Variants in CCSER1 observed in about 807,000 individuals in gnomAD.
CCSER1 encodes the protein serine-rich coiled-coil domain-containing protein 1.
CCSER1 carries 41 observed loss-of-function variants against 82.0 expected under a neutral mutation model. The ratio of observed to expected loss-of-function variants is 0.50; its 90% CI spans 0.39 to 0.65. CCSER1 has a LOEUF of 0.65. Among genes scored for constraint, CCSER1 ranks in the 30% least tolerant of loss-of-function variants. CCSER1 has a pLI of 0.00. For synonymous variants in CCSER1, 414 were observed against 383.9 expected (o/e 1.08, Z -0.92); for missense variants, 1,119 against 1,064.2 (o/e 1.05, Z -0.72).
intron 1 of CCSER1, among the ~76,000 whole-genome samples, chr4:90,155,010 G>T (rs1413462386): frequency 6.6e-6 from 1 of 152,154 alleles, no homozygotes; most frequent in Non-Finnish European, 1.5e-5. Flanking sequence ...GATATTGGCT[G>T]TGGGTTTGTC....
chr4:90,563,027 T>G (rs1278907664), intron 5 of CCSER1, among the ~76,000 whole-genome samples: 1 of 152,058 alleles, frequency 6.6e-6, no homozygotes, highest in African/African-American at 2.4e-5. Flanking sequence ...CTGTGAAAAT[T>G]TACCATTTCT....
chr4:90,489,970 C>T (rs185755477), intron 5 of CCSER1, among the ~76,000 whole-genome samples: 11 of 152,178 alleles, frequency 7.2e-5, no homozygotes, highest in South Asian at 6.2e-4. Context: ...TGAATAGTGC[C>T]GCAATAAACA....
At chr4:91,469,965 C>G (rs1008166642) in intron 10 of CCSER1, among the ~76,000 whole-genome samples, 2 of 152,160 alleles carry the variant, frequency 1.3e-5, no homozygotes, top group Non-Finnish European at 2.9e-5. Flanking sequence ...CTATGAAACT[C>G]ATTCCTACAC....
intron 5 of CCSER1, among the ~76,000 whole-genome samples, chr4:90,503,318 C>T (rs1467455090): frequency 6.6e-6 from 1 of 152,134 alleles, no homozygotes; most frequent in African/African-American, 2.4e-5. Context: ...AATTAAAAGT[C>T]AGTATTTCTT....
chr4:90,202,214 T>A (rs1034268797), intron 1 of CCSER1, among the ~76,000 whole-genome samples: 1 of 151,924 alleles, frequency 6.6e-6, no homozygotes, highest in Middle Eastern at 3.2e-3. Flanking sequence ...TTTTTTTTTT[T>A]TTTGAGACTG....
chr4:90,211,377 T>C (rs1162540378), intron 1 of CCSER1, among the ~76,000 whole-genome samples: 1 of 152,200 alleles, frequency 6.6e-6, no homozygotes, highest in Non-Finnish European at 1.5e-5. Context: ...GCATTAGTGC[T>C]TTCAAGGGAA....
At chr4:90,461,940 A>G (rs1419463402) in intron 4 of CCSER1, among the ~76,000 whole-genome samples, 1 of 152,218 alleles carries the variant, frequency 6.6e-6, no homozygotes, top group African/African-American at 2.4e-5. Flanking sequence ...CAGTGTCTGG[A>G]TATGGAATAG....
intron 8 of CCSER1, among the ~76,000 whole-genome samples, chr4:90,856,485 A>T (rs1350373947): frequency 6.6e-6 from 1 of 152,132 alleles, no homozygotes; most frequent in African/African-American, 2.4e-5. Context: ...GGGAATTAAG[A>T]TGGGTTTTGT....
intron 10 of CCSER1, among the ~76,000 whole-genome samples, chr4:91,277,910 T>A (rs1009683027): frequency 1.3e-5 from 2 of 152,082 alleles, no homozygotes; most frequent in African/African-American, 4.8e-5. Context: ...TAAATTATTT[T>A]ATTTCTTTCT....
intron 10 of CCSER1, among the ~76,000 whole-genome samples, chr4:91,370,188 A>G (rs550267786): frequency 8.5e-5 from 13 of 152,304 alleles, no homozygotes; most frequent in African/African-American, 3.1e-4. Flanking sequence ...ACACTTATAA[A>G]GAAAGACTGG....
At chr4:91,048,894 C>T (rs180991677) in intron 9 of CCSER1, among the ~76,000 whole-genome samples, 5 of 152,170 alleles carry the variant, frequency 3.3e-5, no homozygotes, top group African/African-American at 7.2e-5. Flanking sequence ...TGATTCTCTG[C>T]GAGTTCATCC....
chr4:91,211,466 G>A (rs1164110683), intron 10 of CCSER1, among the ~76,000 whole-genome samples: 2 of 151,958 alleles, frequency 1.3e-5, no homozygotes, highest in Non-Finnish European at 2.9e-5. Flanking sequence ...TCATCTTAAT[G>A]GCATGATAAT....
intron 6 of CCSER1, among the ~76,000 whole-genome samples, chr4:90,723,642 C>A (rs1317525861): frequency 2.0e-5 from 3 of 151,486 alleles, no homozygotes; most frequent in Non-Finnish European, 4.4e-5. Flanking sequence ...ATAAATACCA[C>A]CCTAACACAA....
At chr4:90,691,669 G>T (rs139178126) in intron 6 of CCSER1, among the ~76,000 whole-genome samples, 1 of 145,188 alleles carries the variant, frequency 6.9e-6, no homozygotes, top group Non-Finnish European at 1.5e-5. Flanking sequence ...GCATATGTAC[G>T]TGTGTATCTA....
intron 7 of CCSER1, among the ~76,000 whole-genome samples, chr4:90,788,081 C>A (rs935822303): frequency 5.9e-5 from 9 of 152,076 alleles, no homozygotes; most frequent in Non-Finnish European, 1.3e-4. Context: ...TATTAGAAAT[C>A]CTGATAAGCC....
At chr4:90,987,174 G>A (rs1463969774) in intron 9 of CCSER1, among the ~76,000 whole-genome samples, 1 of 151,240 alleles carries the variant, frequency 6.6e-6, no homozygotes, top group African/African-American at 2.4e-5. Flanking sequence ...TGTCTGTCAG[G>A]ATATGGTCTT....
intron 10 of CCSER1, among the ~76,000 whole-genome samples, chr4:91,581,517 T>C (rs1308535199): frequency 1.3e-5 from 2 of 151,586 alleles, no homozygotes; most frequent in Non-Finnish European, 3.0e-5. Flanking sequence ...CTGTGTGGGA[T>C]CATTGTCTAT....
At chr4:90,336,438 G>GTGCTTTCAT (rs1298483173) in intron 3 of CCSER1, among the ~76,000 whole-genome samples, 31 of 152,160 alleles carry the variant, frequency 2.0e-4, no homozygotes, top group African/African-American at 7.2e-4. Flanking sequence ...TGACAATTCT[G>GTGCTTTCAT]TGCTTTCATT....
intron 10 of CCSER1, among the ~76,000 whole-genome samples, chr4:91,276,143 T>C (rs2149192828): frequency 6.6e-6 from 1 of 152,122 alleles, no homozygotes; most frequent in Non-Finnish European, 1.5e-5. Context: ...CTATTCCAGC[T>C]CTTTTTTGGT....
Sources: allele counts gnomAD v4.1 joint callset (sites outside exome capture counted in the v4.1 genomes callset), GRCh38; gene constraint gnomAD v4.1.1; transcripts MANE v1.5; gene names NCBI Gene and HGNC (gene_info 2026-07-23, HGNC 2026-07-21).